GDF1: variants seen among roughly 807,000 people sequenced by gnomAD.
The protein encoded by GDF1 is growth differentiation factor 1, also known as embryonic growth/differentiation factor 1.
GDF1 carries 8 observed loss-of-function variants against 7.4 expected under a neutral mutation model. The ratio of observed to expected loss-of-function variants is 1.09; its 90% CI spans 0.64 to 1.96. GDF1 has a LOEUF of 1.96. Among genes scored for constraint, GDF1 ranks in the 30% most tolerant of loss-of-function variants. GDF1 has a pLI of 0.00. For synonymous variants in GDF1, 311 were observed against 276.7 expected (o/e 1.12, Z -1.23); for missense variants, 574 against 551.5 (o/e 1.04, Z -0.41).
intron 6 of GDF1, among the ~76,000 whole-genome samples, chr19:18,872,323 T>C (rs984328444): frequency 2.6e-5 from 4 of 152,170 alleles, no homozygotes; most frequent in Non-Finnish European, 4.4e-5. Context: ...TTGGGGGAGA[T>C]AGCTTTTCTC....
At position 18,868,939 on chromosome 19, in the gene GDF1, C is replaced by G. The variant is rs2055906659; in HGVS notation, c.777G>C (p.Leu259Phe). 1 of 1,279,578 alleles carries G rather than the reference C, an allele frequency of 7.8e-7. No homozygotes were observed. Among genetic ancestry groups the G allele is most frequent in the Admixed American group, 4.0e-5 (1 of 24,924 alleles). 79.3% of individuals were successfully genotyped at this position (1,279,578 alleles called of 1,614,324 possible). ...ARPRRDAEPV[L>F]GGGPGGACRA... is the part of the protein sequence containing the mutation. ...GACAAGCGCCCCCGGGGCCGCCGCC[C>G]AACACGGGTTCGGCGTCGCGCCGCG... is the stretch of plus-strand genomic sequence containing the variant. Residue 259 changes from leucine to phenylalanine, a missense_variant, in exon 8 of 8, where the codon TTG (leucine) becomes TTC (phenylalanine). Physicochemically the swap from Leu to Phe is conservative, Grantham distance 22. Transcript: ENST00000247005.
At position 18,878,979 on chromosome 19, in the gene GDF1, G is replaced by A. The variant is rs770285954; in HGVS notation, c.-362C>T. On this transcript the variant is annotated 5_prime_UTR_variant, in exon 6 of 8. Coordinates refer to ENST00000247005, the MANE Select transcript of GDF1 (RefSeq NM_001492.6). The surrounding 1 kb of genome is among the most constrained non-coding windows in gnomAD (Gnocchi z 4.6). The stretch of plus-strand genomic sequence containing the variant: ...TGGGCCTCGGCTGTGTCATACTCCC[G>A]CAGGTCCTTCAGCTCGTGCACCTGG... 8 of 1,613,782 alleles carry A rather than the reference G, an allele frequency of 5.0e-6. No individual in the cohort carries two copies. The highest frequency in any genetic ancestry group is 2.2e-5 in the East Asian group (1 of 44,886).
chr19:18,883,821 G>A (rs1414139339), intron 3 of GDF1, among the ~76,000 whole-genome samples: 4 of 152,114 alleles, frequency 2.6e-5, no homozygotes, highest in Non-Finnish European at 4.4e-5. Context: ...GGTGAGTGGG[G>A]TGGGGTGGCT....
At position 18,870,690 on chromosome 19, in the gene GDF1, T is replaced by C; in HGVS notation, c.-312-71A>G. ...CCGCCTGGCCCTCTTTCCCGCTTCTTCTCTGGCCGTTTCACACCCCCTGGC... is the reference window on the plus strand; with the variant it reads ...CCGCCTGGCCCTCTTTCCCGCTTCTCCTCTGGCCGTTTCACACCCCCTGGC... On this transcript the variant is annotated intron_variant, in intron 6 of 7. Coordinates refer to ENST00000247005, the MANE Select transcript of GDF1 (RefSeq NM_001492.6). This position sits in a 1 kb window ranked among gnomAD's most constrained non-coding sequence, Gnocchi z 5.1. 2.0e-6 allele frequency: 1 copy of C among 502,326 alleles called. No homozygotes were observed. Among genetic ancestry groups the C allele is most frequent in the Non-Finnish European group, 3.6e-6 (1 of 277,310 alleles). 31.1% of individuals were successfully genotyped at this position (502,326 alleles called of 1,614,324 possible).
At chr19:18,893,276 G>A (rs1421758123) in intron 2 of GDF1, 140 bp downstream of exon 2, 21 of 879,388 alleles carry the variant, frequency 2.4e-5, no homozygotes, top group Middle Eastern at 2.9e-4. Context: ...GTGCAGTGGC[G>A]TGCTCATAGC....
intron 6 of GDF1, among the ~76,000 whole-genome samples, chr19:18,874,317 T>G (rs2056025062): frequency 6.6e-6 from 1 of 152,182 alleles, no homozygotes; most frequent in Admixed American, 6.5e-5. Context: ...CTATTTTTAT[T>G]TTTTGAGACA....
In GDF1 at chr19:18,870,332, A is replaced by G. The variant is rs2055945574; in HGVS notation, c.-25T>C. On this transcript the variant is annotated 5_prime_UTR_variant, in exon 7 of 8. Transcript: ENST00000247005. The surrounding 1 kb of genome is among the most constrained non-coding windows in gnomAD (Gnocchi z 5.1). ...TCTTCCTCCCAGGCGATGACCAGAG[A>G]GTGCGCAGGGTCCGCGGCGGCCCGG... The G allele has an allele frequency of 6.5e-7, 1 of 1,543,076 alleles. No homozygotes were observed. The highest frequency in any genetic ancestry group is 1.2e-5 in the South Asian group (1 of 83,810).
intron 3 of GDF1, among the ~76,000 whole-genome samples, chr19:18,881,331 T>C (rs372738888): frequency 6.3e-4 from 96 of 151,576 alleles, no homozygotes; most frequent in African/African-American, 2.2e-3. Flanking sequence ...GCAATTCTCC[T>C]GCCTCAGCCT....
intron 2 of GDF1, among the ~76,000 whole-genome samples, chr19:18,888,735 CAGG>C (rs2056421911): frequency 6.6e-6 from 1 of 151,552 alleles, no homozygotes; most frequent in South Asian, 2.1e-4. Context: ...GAGGCTGAGG[CAGG>C]AGAATTGCTT....
intron 6 of GDF1, among the ~76,000 whole-genome samples, chr19:18,875,982 C>T (rs2056053984): frequency 6.6e-6 from 1 of 152,230 alleles, no homozygotes; most frequent in Non-Finnish European, 1.5e-5. Flanking sequence ...GAATAAGTTC[C>T]TGTGGTTTTA....
chr19:18,875,891 GGGATCCTC>G (rs2056052401), intron 6 of GDF1, among the ~76,000 whole-genome samples: 1 of 152,314 alleles, frequency 6.6e-6, no homozygotes, highest in East Asian at 1.9e-4. Context: ...AGGCAAGGAG[GGGATCCTC>G]GCTTAGAGTT....
In GDF1 at chr19:18,870,632, A is replaced by G; in HGVS notation, c.-312-13T>C. 1.8e-6 allele frequency: 1 copy of G among 562,102 alleles called. No individual in the cohort carries two copies. 34.8% of individuals were successfully genotyped at this position (562,102 alleles called of 1,614,324 possible). A position where few individuals can be genotyped will look rare whatever the true frequency, so the allele number is the denominator to read the frequency against. ...CCTCAGTGGCTTCCTGGGGGTCAGA[A>G]CCGGCGCAGGTTAGCCTGGGAGCCC... is the stretch of plus-strand genomic sequence containing the variant. On this transcript the variant is annotated splice_polypyrimidine_tract_variant and intron_variant, in intron 6 of 7. Coordinates refer to ENST00000247005, the MANE Select transcript of GDF1 (RefSeq NM_001492.6). The surrounding 1 kb of genome is among the most constrained non-coding windows in gnomAD (Gnocchi z 5.1).
chr19:18,891,142 TGA>T (rs2056480763), intron 2 of GDF1, among the ~76,000 whole-genome samples: 1 of 149,352 alleles, frequency 6.7e-6, no homozygotes, highest in Non-Finnish European at 1.5e-5. Context: ...AAAAAAGTTA[TGA>T]GAGTTCGATC....
chr19:18,872,356 G>GC (rs1555703074), intron 6 of GDF1, among the ~76,000 whole-genome samples: 1 of 150,760 alleles, frequency 6.6e-6, no homozygotes, highest in African/African-American at 2.4e-5. Flanking sequence ...TTCTTGTTTT[G>GC]TTTTTTTTTG....
intron 3 of GDF1, among the ~76,000 whole-genome samples, chr19:18,882,310 G>A (rs1048333684): frequency 2.0e-5 from 3 of 152,154 alleles, no homozygotes; most frequent in African/African-American, 7.2e-5. Flanking sequence ...TTGTGTGGCT[G>A]AGGAATGGAA....
intron 1 of GDF1, among the ~76,000 whole-genome samples, 163 bp from the exon 2 acceptor site, chr19:18,893,738 C>T (rs1262926279): frequency 6.6e-6 from 1 of 152,094 alleles, no homozygotes; most frequent in Non-Finnish European, 1.5e-5. Context: ...AGCCCACAGG[C>T]GCCTGCCAAG....
chr19:18,882,943 G>A (rs778731440), intron 3 of GDF1: 14 of 152,240 alleles, frequency 9.2e-5, no homozygotes, highest in African/African-American at 2.4e-4. Context: ...CGCTCGCCTC[G>A]GCCTCGCAAA....
At chr19:18,887,062 C>T (rs2056379928) in intron 2 of GDF1, among the ~76,000 whole-genome samples, 1 of 152,258 alleles carries the variant, frequency 6.6e-6, no homozygotes, top group Non-Finnish European at 1.5e-5. Flanking sequence ...ACTCATGTGT[C>T]CCTGTCTACA....
Position 18,895,354 on chromosome 19 carries a change from G to A in GDF1, c.-1074+470C>T, listed in dbSNP as rs1383977278. On this transcript the variant is annotated intron_variant, in intron 1 of 7. Transcript: ENST00000247005. This position sits in a 1 kb window ranked among gnomAD's most constrained non-coding sequence, Gnocchi z 6.4. ...CAGCCCGCATGGCAGGGAGGCGCATGGCGCAGGCCGCGGTGCGCCGAGCCC... is the reference window on the plus strand; with the variant it reads ...CAGCCCGCATGGCAGGGAGGCGCATAGCGCAGGCCGCGGTGCGCCGAGCCC... Among the ~76,000 whole-genome samples the A allele has an allele frequency of 6.6e-6, 1 of 152,208 alleles. No homozygotes were observed. Among genetic ancestry groups the A allele is most frequent in the Non-Finnish European group, 1.5e-5 (1 of 68,032 alleles).
Sources: allele counts gnomAD v4.1 joint callset (sites outside exome capture counted in the v4.1 genomes callset), GRCh38; gene constraint gnomAD v4.1.1; non-coding constraint Gnocchi (gnomAD v3.1); transcripts MANE v1.5; gene names NCBI Gene and HGNC (gene_info 2026-07-23, HGNC 2026-07-21).